PCDHGA10: variants seen among roughly 807,000 people sequenced by gnomAD.
The protein encoded by PCDHGA10 is protocadherin gamma-A10.
Under a neutral mutation model 59.5 loss-of-function variants are expected in PCDHGA10, and 42 were observed. The ratio of observed to expected loss-of-function variants is 0.71; its 90% CI spans 0.55 to 0.91. The LOEUF is 0.91. Among genes scored for constraint, PCDHGA10 ranks in the 40% least tolerant of loss-of-function variants. PCDHGA10 has a pLI of 0.00. For missense variants in PCDHGA10, 1,111 were observed against 1,198.2 expected (o/e 0.93, Z 1.07); for synonymous variants, 511 against 517.2 (o/e 0.99, Z 0.16).
intron 1 of PCDHGA10, chr5:141,441,118 G>C (rs1265461098): frequency 6.6e-6 from 1 of 152,212 alleles, no homozygotes; most frequent in Non-Finnish European, 1.5e-5. Flanking sequence ...CCAGTGTACA[G>C]TTGAGACCGA....
intron 1 of PCDHGA10, among the ~76,000 whole-genome samples, chr5:141,464,094 G>A (rs540562188): frequency 7.4e-4 from 112 of 151,988 alleles, no homozygotes; most frequent in Non-Finnish European, 1.1e-3. Context: ...GTGAAACTCC[G>A]TCTCTACTAA....
intron 1 of PCDHGA10, among the ~76,000 whole-genome samples, chr5:141,456,876 T>C (rs188356008): frequency 1.5e-3 from 222 of 152,196 alleles, no homozygotes; most frequent in African/African-American, 5.2e-3. Flanking sequence ...GGCAGGAGAA[T>C]CGCTTGAACC....
At chr5:141,454,721 A>G (rs2098797156) in intron 1 of PCDHGA10, among the ~76,000 whole-genome samples, 1 of 146,810 alleles carries the variant, frequency 6.8e-6, no homozygotes, top group South Asian at 2.2e-4. Flanking sequence ...ATTCCATATT[A>G]TATGTTATAG....
Position 141,432,093 on chromosome 5 carries a change from C to G in PCDHGA10, c.2436+16482C>G. On this transcript the variant is annotated intron_variant, in intron 1 of 3. Coordinates refer to ENST00000398610, the MANE Select transcript of PCDHGA10 (RefSeq NM_018913.3). This position sits in a 1 kb window ranked among gnomAD's most constrained non-coding sequence, Gnocchi z 6.0. ...CATATCTCGCTGAACGTGGCAGACA[C>G]CAACGACAACCCGCCGGTCTTCCCT... 1 of 1,614,170 alleles carries G rather than the reference C, an allele frequency of 6.2e-7. No individual in the cohort carries two copies. The highest frequency in any genetic ancestry group is 8.5e-7 in the Non-Finnish European group (1 of 1,180,046).
rs2097718776 is a variant in PCDHGA10, at chr5:141,434,813, T to C, written c.2436+19202T>C. On this transcript the variant is annotated intron_variant, in intron 1 of 3. Coordinates refer to ENST00000398610, the MANE Select transcript of PCDHGA10 (RefSeq NM_018913.3). ...TTTTTTCTGAGCTTGGAGAAATATA[T>C]CCCTTAGTACACTTGGCATTTATAA... Among the ~76,000 whole-genome samples, 5 of 151,962 alleles carry C rather than the reference T, an allele frequency of 3.3e-5. No individual in the cohort carries two copies. In the South Asian group the frequency reaches 1.0e-3, roughly 32 times the overall value.
chr5:141,478,164 C>T, intron 1 of PCDHGA10: 1 of 1,614,010 alleles, frequency 6.2e-7, no homozygotes, highest in Non-Finnish European at 8.5e-7. Context: ...GGCTCTGCCC[C>T]CCGGGAGCAG....
At chr5:141,469,249 C>T (rs1025813940) in intron 1 of PCDHGA10, among the ~76,000 whole-genome samples, 1 of 152,026 alleles carries the variant, frequency 6.6e-6, no homozygotes, top group Non-Finnish European at 1.5e-5. Flanking sequence ...TGCACTCCAG[C>T]TTGGGCAACA....
intron 1 of PCDHGA10, among the ~76,000 whole-genome samples, chr5:141,459,742 T>C (rs2098974738): frequency 6.6e-6 from 1 of 152,248 alleles, no homozygotes; most frequent in Non-Finnish European, 1.5e-5. Context: ...TTTTAAATTT[T>C]AGCAATTCTA....
chr5:141,464,043 T>C (rs2099074643), intron 1 of PCDHGA10, among the ~76,000 whole-genome samples: 2 of 152,074 alleles, frequency 1.3e-5, no homozygotes, highest in African/African-American at 4.8e-5. Context: ...GGCGGGTGGA[T>C]CACCTGAGGT....
chr5:141,433,017 A>T, intron 1 of PCDHGA10: 1 of 1,614,124 alleles, frequency 6.2e-7, no homozygotes, highest in Non-Finnish European at 8.5e-7. Flanking sequence ...CTGCAGACCT[A>T]TTCCCACGAG....
chr5:141,482,611 G>C (rs1016481108), intron 1 of PCDHGA10, among the ~76,000 whole-genome samples: 4 of 150,398 alleles, frequency 2.7e-5, no homozygotes, highest in Non-Finnish European at 5.9e-5. Context: ...ACACCTAAAT[G>C]AGCCTGGAGA....
At chr5:141,419,385 C>T (rs753470433) in intron 1 of PCDHGA10, 6 of 1,613,686 alleles carry the variant, frequency 3.7e-6, no homozygotes, top group Admixed American at 1.7e-5. Context: ...TCCGTGAGCG[C>T]GCAGAGCGGG....
At chr5:141,495,236 A>G (rs2099759742) in intron 2 of PCDHGA10, among the ~76,000 whole-genome samples, 1 of 152,168 alleles carries the variant, frequency 6.6e-6, no homozygotes, top group South Asian at 2.1e-4. Flanking sequence ...GGGCTCCATT[A>G]TGACCTGGGG....
At chr5:141,471,743 C>T (rs769600930) in intron 1 of PCDHGA10, among the ~76,000 whole-genome samples, 2 of 152,142 alleles carry the variant, frequency 1.3e-5, no homozygotes, top group Non-Finnish European at 2.9e-5. Flanking sequence ...GGAGACATAA[C>T]ATATTTGAGG....
chr5:141,447,298 C>T lies in PCDHGA10; in HGVS notation c.2436+31687C>T, dbSNP rs187482431. 1.7e-3 allele frequency among the ~76,000 whole-genome samples: 260 copies of T among 152,214 alleles called. 2 individuals carry two copies. Among genetic ancestry groups the T allele is most frequent in the African/African-American group, 5.8e-3 (239 of 41,534 alleles). ...GGGACTACAGGCACATGCCACCACA[C>T]CCGGCTAATTTTTGTATTTTTAGTA... On this transcript the variant is annotated intron_variant, in intron 1 of 3. Coordinates refer to ENST00000398610, the MANE Select transcript of PCDHGA10 (RefSeq NM_018913.3).
chr5:141,414,635 A>G lies in PCDHGA10; in HGVS notation c.1460A>G (p.Glu487Gly), dbSNP rs753834653. Reference protein sequence around the residue: ...SVTALDPDSKENAQIIYSLAE... With the variant: ...SVTALDPDSKGNAQIIYSLAE... ...ACAGCGCTGGACCCGGACAGCAAAGAGAATGCCCAGATTATTTACTCCCTG... is the reference window on the plus strand; with the variant it reads ...ACAGCGCTGGACCCGGACAGCAAAGGGAATGCCCAGATTATTTACTCCCTG... Residue 487 changes from glutamate (E) to glycine (G), a missense_variant, in exon 1 of 4, where the codon GAG (glutamate) becomes GGG (glycine). Glu to Gly is a moderately conservative substitution (Grantham distance 98). Coordinates refer to ENST00000398610, the MANE Select transcript of PCDHGA10 (RefSeq NM_018913.3). The G allele has an allele frequency of 4.5e-5, 72 of 1,613,866 alleles. No homozygotes were observed. Among genetic ancestry groups the G allele is most frequent in the Admixed American group, 2.0e-4 (12 of 60,006 alleles).
chr5:141,440,056 G>A, intron 1 of PCDHGA10: 1 of 152,648 alleles, frequency 6.6e-6, no homozygotes, highest in East Asian at 1.9e-4. Flanking sequence ...GAAAGCTTCG[G>A]GTTAATGCTG....
chr5:141,492,501 G>A (rs551410616), intron 1 of PCDHGA10, among the ~76,000 whole-genome samples: 8 of 152,302 alleles, frequency 5.3e-5, no homozygotes, highest in East Asian at 1.9e-4. Flanking sequence ...CGAGGACTCC[G>A]GAGCCTCCTC....
chr5:141,427,398 A>T (rs1040184910), intron 1 of PCDHGA10: 8 of 460,774 alleles, frequency 1.7e-5, no homozygotes, highest in Non-Finnish European at 3.5e-5. Context: ...AACACATGAT[A>T]AAGATTCGAG....
Sources: allele counts gnomAD v4.1 joint callset (sites outside exome capture counted in the v4.1 genomes callset), GRCh38; gene constraint gnomAD v4.1.1; non-coding constraint Gnocchi (gnomAD v3.1); transcripts MANE v1.5; gene names NCBI Gene and HGNC (gene_info 2026-07-23, HGNC 2026-07-21).